DUSP22: variants seen among roughly 807,000 people sequenced by gnomAD.
DUSP22 encodes dual specificity protein phosphatase 22.
A neutral mutation model predicts 24.5 loss-of-function variants in DUSP22; 24 were observed. The observed-to-expected ratio is 0.98, with a 90% CI of 0.71 to 1.38. DUSP22 has a LOEUF of 1.38. Ranked by LOEUF, DUSP22 falls within the 40% of genes most tolerant of loss-of-function variation. The pLI, the probability that DUSP22 is intolerant of heterozygous loss-of-function variation, is 0.00. For synonymous variants in DUSP22, 160 were observed against 106.4 expected (o/e 1.50, Z -3.10); for missense variants, 330 against 269.2 (o/e 1.23, Z -1.58).
chr6:301,805 T>G (rs1298810314), intron 1 of DUSP22, among the ~76,000 whole-genome samples: 2 of 152,294 alleles, frequency 1.3e-5, no homozygotes, highest in African/African-American at 4.8e-5. Context: ...AGTGGTTTGC[T>G]TGAGATAGTC....
At chr6:346,870 C>A (rs1759905661) in intron 5 of DUSP22, among the ~76,000 whole-genome samples, 1 of 152,302 alleles carries the variant, frequency 6.6e-6, no homozygotes, top group Non-Finnish European at 1.5e-5. Flanking sequence ...TGCATGACAT[C>A]CAGAGAAGCC....
rs201410036 is a variant in DUSP22 at position 345,973 on chromosome 6, G to T, written c.263+45G>T. On this transcript the variant is annotated intron_variant, in intron 5 of 6. Transcript: ENST00000419235. ...AATAGCGCCTTAGCGTATTCTGGTC[G>T]GCTTGGCTTCCCATCAAGTGTTTTT... 24 of 1,607,352 alleles carry T rather than the reference G, an allele frequency of 1.5e-5. No individual in the cohort carries two copies. The Admixed American group carries it at 4.1e-4, about 27-fold the overall frequency.
intron 4 of DUSP22, among the ~76,000 whole-genome samples, chr6:336,825 A>G (rs1020085045): frequency 5.3e-5 from 8 of 152,308 alleles, no homozygotes; most frequent in South Asian, 4.1e-4. Context: ...GTGTCAAGAA[A>G]CAGAAGTGGT....
intron 1 of DUSP22, among the ~76,000 whole-genome samples, chr6:300,560 C>T (rs1258869211): frequency 6.6e-6 from 1 of 152,304 alleles, no homozygotes; most frequent in Non-Finnish European, 1.5e-5. Context: ...AGTGGGAGAG[C>T]TGCTGCGTGG....
chr6:293,830 A>C (rs1364701143), intron 1 of DUSP22, among the ~76,000 whole-genome samples: 3 of 133,042 alleles, frequency 2.3e-5, no homozygotes, highest in Non-Finnish European at 4.6e-5. Context: ...GCGAGTGATC[A>C]AGTTTGGAAA....
intron 1 of DUSP22, among the ~76,000 whole-genome samples, chr6:298,122 G>A (rs1490538897): frequency 6.6e-6 from 1 of 152,304 alleles, no homozygotes; most frequent in Non-Finnish European, 1.5e-5. Context: ...ACCCCCCGAG[G>A]GCTCTCTCTT....
intron 3 of DUSP22, among the ~76,000 whole-genome samples, chr6:329,707 C>T (rs1029406454): frequency 2.2e-4 from 34 of 152,280 alleles, no homozygotes; most frequent in African/African-American, 7.7e-4. Context: ...CTGCCTTGCC[C>T]TCCCAAAGTG....
intron 1 of DUSP22, among the ~76,000 whole-genome samples, chr6:304,251 G>A (rs929759687): frequency 5.2e-5 from 8 of 152,420 alleles, no homozygotes; most frequent in East Asian, 1.9e-4. Flanking sequence ...GAGTGTAACC[G>A]CCTGCAGTGG....
At position 350,778 on chromosome 6, in the gene DUSP22, A is replaced by G. The variant is rs1760164423; in HGVS notation, c.*1827A>G. The G allele has an allele frequency of 2.5e-6, 4 of 1,614,060 alleles. No individual in the cohort carries two copies. Among genetic ancestry groups the G allele is most frequent in the Non-Finnish European group, 3.4e-6 (4 of 1,179,992 alleles). On this transcript the variant is annotated 3_prime_UTR_variant, in exon 7 of 7. Transcript: ENST00000419235. Reference sequence around the variant, plus strand: ...TCAGTGTATTCTTGGAGTTCTTGAAATGTTGTTTTAATATTTGTTGCCAGT... The same window carrying G: ...TCAGTGTATTCTTGGAGTTCTTGAAGTGTTGTTTTAATATTTGTTGCCAGT...
chr6:331,098 A>G (rs1468030604), intron 3 of DUSP22, among the ~76,000 whole-genome samples: 4 of 152,302 alleles, frequency 2.6e-5, no homozygotes, highest in Non-Finnish European at 5.9e-5. Context: ...GCAAACACAG[A>G]GCCCATTTTT....
intron 4 of DUSP22, 63 bp downstream of exon 4, chr6:335,226 T>A (rs1454986778): frequency 2.0e-5 from 32 of 1,584,208 alleles, no homozygotes; most frequent in Non-Finnish European, 2.6e-5. Context: ...GATGGTAAAG[T>A]CAGAGAAGTA....
chr6:336,524 G>A (rs1361664170), intron 4 of DUSP22, among the ~76,000 whole-genome samples: 2 of 152,286 alleles, frequency 1.3e-5, no homozygotes, highest in African/African-American at 4.8e-5. Context: ...CACAGGTTAT[G>A]CGATAATTTT....
At chr6:345,158 G>T (rs1225932589) in intron 4 of DUSP22, among the ~76,000 whole-genome samples, 2 of 152,282 alleles carry the variant, frequency 1.3e-5, no homozygotes, top group African/African-American at 4.8e-5. Context: ...GTATGACCAG[G>T]TTTTGATGGT....
intron 1 of DUSP22, among the ~76,000 whole-genome samples, chr6:294,250 T>A (rs1757223027): frequency 6.6e-6 from 1 of 152,302 alleles, no homozygotes; most frequent in African/African-American, 2.4e-5. Context: ...AGACTCACAG[T>A]GTATCAATGA....
intron 2 of DUSP22, among the ~76,000 whole-genome samples, chr6:311,012 G>C (rs1357592842): frequency 6.6e-6 from 1 of 152,306 alleles, no homozygotes; most frequent in Non-Finnish European, 1.5e-5. Flanking sequence ...CACACTTTCA[G>C]GTTGCCTTGG....
Position 350,486 on chromosome 6 carries a change from C to T in DUSP22, c.*1535C>T. The T allele has an allele frequency of 1.7e-6, 2 of 1,195,256 alleles. No individual in the cohort carries two copies. The highest frequency in any genetic ancestry group is 2.1e-6 in the Non-Finnish European group (2 of 960,136). The allele number at this position is 1,195,256 out of a possible 1,614,324, so 74.0% of individuals were successfully genotyped here. A position where few individuals can be genotyped will look rare whatever the true frequency, so the allele number is the denominator to read the frequency against. On this transcript the variant is annotated 3_prime_UTR_variant, in exon 7 of 7. Coordinates refer to ENST00000419235, the MANE Select transcript of DUSP22 (RefSeq NM_001286555.3). ...AAAAAGAGACCCTGAATAAGAAGAGCAGTTTTCCTGTGCATATAGAGGGTG... is the reference window on the plus strand; with the variant it reads ...AAAAAGAGACCCTGAATAAGAAGAGTAGTTTTCCTGTGCATATAGAGGGTG...
At chr6:327,784 G>A (rs2127408320) in intron 3 of DUSP22, among the ~76,000 whole-genome samples, 1 of 152,420 alleles carries the variant, frequency 6.6e-6, no homozygotes, top group East Asian at 1.9e-4. Context: ...CTATTCCAGA[G>A]AGAGAAAACC....
intron 4 of DUSP22, among the ~76,000 whole-genome samples, chr6:336,148 G>C (rs1484301335): frequency 6.6e-6 from 1 of 152,304 alleles, no homozygotes; most frequent in Admixed American, 6.5e-5. Context: ...ACTTGTGCAG[G>C]CTGAAAGGCT....
intron 3 of DUSP22, among the ~76,000 whole-genome samples, chr6:318,520 C>T (rs1758434079): frequency 6.6e-6 from 1 of 152,262 alleles, no homozygotes. Flanking sequence ...CCACAGCAGG[C>T]CTCAGCTCTC....
Sources: gnomAD v4.1 joint callset for allele counts (sites outside exome capture counted in the v4.1 genomes callset) on GRCh38, gnomAD v4.1.1 for gene constraint, MANE v1.5 for transcripts, NCBI Gene and HGNC (gene_info 2026-07-23, HGNC 2026-07-21) for gene names.